Variants in DNMT3A observed in about 807,000 individuals in gnomAD.
DNMT3A encodes the protein DNA (cytosine-5)-methyltransferase 3A.
Under a neutral mutation model 117.6 loss-of-function variants are expected in DNMT3A, and 267 were observed. The observed-to-expected ratio is 2.27, with a 90% CI of 2.05 to 2.51. The LOEUF is 2.51. Ranked by LOEUF, DNMT3A falls within the 30% of genes most tolerant of loss-of-function variation. The pLI, the probability that DNMT3A is intolerant of heterozygous loss-of-function variation, is 0.00. For missense variants in DNMT3A, 1,029 were observed against 1,260.2 expected, an observed-to-expected ratio of 0.82 and a Z score of 2.78; for synonymous variants, 432 against 474.8, an observed-to-expected ratio of 0.91 and a Z score of 1.17.
intron 1 of DNMT3A, among the ~76,000 whole-genome samples, chr2:25,332,096 C>G (rs1157628128): frequency 6.6e-6 from 1 of 152,216 alleles, no homozygotes; most frequent in African/African-American, 2.4e-5. Flanking sequence ...AGCCTTCCAC[C>G]CGGGCTCCCT....
intron 1 of DNMT3A, among the ~76,000 whole-genome samples, chr2:25,323,107 T>C (rs893126949): frequency 6.6e-6 from 1 of 152,040 alleles, no homozygotes; most frequent in African/African-American, 2.4e-5. Flanking sequence ...AGGCAAGTGG[T>C]GAGCACGTGA....
Position 25,240,376 on chromosome 2 carries a change from G to GGCGATCATCTCCCTCCTTGGGCC in DNMT3A, c.2225_2247dup (p.Pro750GlyfsTer37). On this transcript the variant is annotated frameshift_variant, in exon 19 of 23. Coordinates refer to ENST00000321117, the MANE Select transcript of DNMT3A (RefSeq NM_022552.5). LOFTEE classifies it high-confidence loss of function. ...ACATTCTCAAAGAGCCAGAAGAAGG[G>GGCGATCATCTCCCTCCTTGGGCC]GCGATCATCTCCCTCCTTGGGCCGC... 1 of 1,614,132 alleles carries GGCGATCATCTCCCTCCTTGGGCC rather than the reference G, an allele frequency of 6.2e-7. No homozygotes were observed. The highest frequency in any genetic ancestry group is 8.5e-7 in the Non-Finnish European group (1 of 1,180,002).
chr2:25,244,015 C>A (rs1236029830), intron 15 of DNMT3A, 33 bp from the exon 16 acceptor site: 5 of 1,548,250 alleles, frequency 3.2e-6, no homozygotes, highest in Middle Eastern at 2.0e-4. Flanking sequence ...CAGATGCAGG[C>A]CCAGCGGTGT....
intron 6 of DNMT3A, among the ~76,000 whole-genome samples, chr2:25,273,508 G>A (rs1297275190): frequency 6.6e-6 from 1 of 152,176 alleles, no homozygotes; most frequent in Non-Finnish European, 1.5e-5. Flanking sequence ...CTGAGTTCAC[G>A]TGAAGTGCCC....
chr2:25,246,493 C>T (rs1674788158), intron 10 of DNMT3A, 127 bp downstream of exon 10: 4 of 1,460,034 alleles, frequency 2.7e-6, no homozygotes, highest in Non-Finnish European at 3.7e-6. Flanking sequence ...GCAAGAGAGA[C>T]CCCGGCTGTT....
At chr2:25,278,036 C>A (rs201014116) in intron 4 of DNMT3A, among the ~76,000 whole-genome samples, 315 of 47,792 alleles carry the variant, frequency 6.6e-3, no homozygotes, top group African/African-American at 0.015. Flanking sequence ...CACACACACA[C>A]ACAGACACAC....
At position 25,252,690 on chromosome 2, in the gene DNMT3A, C is replaced by G. The variant is rs1220833812; in HGVS notation, c.640-4438G>C. On this transcript the variant is annotated intron_variant, in intron 6 of 22. Transcript: ENST00000321117. This position sits in a 1 kb window ranked among gnomAD's most constrained non-coding sequence, Gnocchi z 5.5. Reference sequence around the variant, plus strand: ...GCCCGGAGGGAGCCGGGGGTCCGGGCGAAAGCAAGCCGGAGCTTTCGGACG... The same window carrying G: ...GCCCGGAGGGAGCCGGGGGTCCGGGGGAAAGCAAGCCGGAGCTTTCGGACG... Among the ~76,000 whole-genome samples the G allele has an allele frequency of 6.6e-6, 1 of 151,220 alleles. No individual in the cohort carries two copies. Among genetic ancestry groups the G allele is most frequent in the Non-Finnish European group, 1.5e-5 (1 of 67,864 alleles).
chr2:25,333,715 A>AC (rs1487380864), intron 1 of DNMT3A, among the ~76,000 whole-genome samples: 1 of 151,842 alleles, frequency 6.6e-6, no homozygotes, highest in Non-Finnish European at 1.5e-5. Context: ...CCCTGGAACA[A>AC]CCCCCACGTA....
At chr2:25,309,001 G>GCACA (rs60027399) in intron 2 of DNMT3A, among the ~76,000 whole-genome samples, 1 of 137,580 alleles carries the variant, frequency 7.3e-6, no homozygotes. Flanking sequence ...ACACACACAC[G>GCACA]CACGCACATG....
chr2:25,336,961 A>G lies in DNMT3A; in HGVS notation c.-178+4865T>C, dbSNP rs567372762. 1.7e-4 allele frequency among the ~76,000 whole-genome samples: 26 copies of G among 152,262 alleles called. No homozygotes were observed. In the South Asian group the frequency reaches 2.1e-3, roughly 12 times the overall value. On this transcript the variant is annotated intron_variant, in intron 1 of 22. Transcript: ENST00000321117. Reference sequence around the variant, plus strand: ...TTATTTCTCCCTCTCCAGTGACCCCAGTCCCACTCTGCAGTTCTTCGTTAG... The same window carrying G: ...TTATTTCTCCCTCTCCAGTGACCCCGGTCCCACTCTGCAGTTCTTCGTTAG...
chr2:25,274,189 CCT>C (rs2031196663), intron 6 of DNMT3A, among the ~76,000 whole-genome samples: 1 of 152,196 alleles, frequency 6.6e-6, no homozygotes, highest in Non-Finnish European at 1.5e-5. Flanking sequence ...AGGCCAGACC[CCT>C]GTGAGTCCTC....
Position 25,245,316 on chromosome 2 carries a change from A to G in DNMT3A, c.1491T>C (p.Cys497=), listed in dbSNP as rs375421208. ...CRNIEDICIS[C]GSLNVTLEHP... is the part of the protein sequence containing the mutation. The stretch of plus-strand genomic sequence containing the variant: ...GTTCCAGGGTAACATTGAGGCTCCC[A>G]CAGGAGATGCAGATGTCTGGAAAGC... Residue 497 remains cysteine, a synonymous_variant, in exon 13 of 23, where the codon TGT becomes TGC. Coordinates refer to ENST00000321117, the MANE Select transcript of DNMT3A (RefSeq NM_022552.5). 27 of 1,613,904 alleles carry G rather than the reference A, an allele frequency of 1.7e-5. No individual in the cohort carries two copies. The African/African-American group carries it at 2.9e-4, about 18-fold the overall frequency.
In DNMT3A at chr2:25,234,289, G is replaced by A. The variant is rs1459396018; in HGVS notation, c.2729C>T (p.Ala910Val). 11 of 1,612,994 alleles carry A rather than the reference G, an allele frequency of 6.8e-6. No individual in the cohort carries two copies. Among genetic ancestry groups the A allele is most frequent in the East Asian group, 2.2e-5 (1 of 44,872 alleles). ...TTGCCCCCATGTCCCTTACACACAC[G>A]CAAAATACTCCTTCAGCGGAGCGAA... ...HLFAPLKEYF[A>V]CV is the part of the protein sequence containing the mutation. Residue 910 changes from alanine to valine, a missense_variant, in exon 23 of 23, where the codon GCG (alanine) becomes GTG (valine). By Grantham distance (64) the Ala-to-Val change is moderately conservative. Transcript: ENST00000321117. This position sits in a 1 kb window ranked among gnomAD's most constrained non-coding sequence, Gnocchi z 4.5.
intron 6 of DNMT3A, among the ~76,000 whole-genome samples, chr2:25,270,257 C>A (rs1573393338): frequency 6.6e-6 from 1 of 152,210 alleles, no homozygotes; most frequent in Non-Finnish European, 1.5e-5. Context: ...CCAGTTCAAC[C>A]GTCAAAAGCC....
intron 3 of DNMT3A, among the ~76,000 whole-genome samples, chr2:25,297,186 G>A (rs1046812732): frequency 6.6e-6 from 1 of 152,194 alleles, no homozygotes; most frequent in African/African-American, 2.4e-5. Flanking sequence ...GGGCCATGCT[G>A]GCTGCTGTCC....
chr2:25,324,419 T>C (rs563724402), intron 1 of DNMT3A, among the ~76,000 whole-genome samples: 3 of 152,322 alleles, frequency 2.0e-5, no homozygotes, highest in African/African-American at 7.2e-5. Context: ...TTCGCAAATG[T>C]GGCAGTTCTT....
Position 25,245,251 on chromosome 2 carries a change from A to C in DNMT3A, c.1554+2T>G, listed in dbSNP as rs758228404. On this transcript the variant is annotated splice_donor_variant, in intron 13 of 22. Transcript: ENST00000321117. LOFTEE classifies it high-confidence loss of function. ...ACCTCTCCTGGGTGGGTGTGCTCCT[A>C]CCTTGCAGTTTTGGCACATTCCTCC... 1 of 1,613,654 alleles carries C rather than the reference A, an allele frequency of 6.2e-7. No homozygotes were observed. The highest frequency in any genetic ancestry group is 8.5e-7 in the Non-Finnish European group (1 of 1,179,866).
rs1291431468 is a variant in DNMT3A at position 25,258,608 on chromosome 2, C to T, written c.640-10356G>A. Among the ~76,000 whole-genome samples, 3 of 152,320 alleles carry T rather than the reference C, an allele frequency of 2.0e-5. No homozygotes were observed. The Middle Eastern group carries it at 0.01, about 518-fold the overall frequency. On this transcript the variant is annotated intron_variant, in intron 6 of 22. Transcript: ENST00000321117. ...CCACCACACATGAAACCACAGCCCT[C>T]ATTCAAGACAGCATGCAATTAGATG...
chr2:25,250,072 G>A (rs568702421), intron 6 of DNMT3A, among the ~76,000 whole-genome samples: 3 of 151,912 alleles, frequency 2.0e-5, no homozygotes, highest in Non-Finnish European at 4.4e-5. Flanking sequence ...ACATAAAAAG[G>A]CACCTGAACG....
Sources: allele counts gnomAD v4.1 joint callset (sites outside exome capture counted in the v4.1 genomes callset), GRCh38; gene constraint gnomAD v4.1.1; non-coding constraint Gnocchi (gnomAD v3.1); transcripts MANE v1.5; gene names NCBI Gene and HGNC (gene_info 2026-07-23, HGNC 2026-07-21).